SAMMSON: variants seen among roughly 807,000 people sequenced by gnomAD.
The protein encoded by SAMMSON is long intergenic non-protein coding RNA 1212.
At chr3:70,145,312 C>A (rs1324640674) in intron 4 of SAMMSON, among the ~76,000 whole-genome samples, 2 of 152,084 alleles carry the variant, frequency 1.3e-5, no homozygotes, top group African/African-American at 4.8e-5. Flanking sequence ...GACAGCAAAT[C>A]AGTAAGGCTG....
intron 6 of SAMMSON, among the ~76,000 whole-genome samples, chr3:70,283,161 T>C (rs1006454259): frequency 5.3e-5 from 8 of 152,150 alleles, no homozygotes; most frequent in African/African-American, 1.9e-4. Context: ...TAGGTGGTTG[T>C]GAGCATAAGC....
intron 7 of SAMMSON, among the ~76,000 whole-genome samples, chr3:70,332,468 A>T (rs1279521615): frequency 6.6e-6 from 1 of 152,150 alleles, no homozygotes; most frequent in African/African-American, 2.4e-5. Flanking sequence ...TCCAAGTGTC[A>T]TCTCAGAACC....
chr3:70,007,365 C>T (rs1483247793), intron 1 of SAMMSON, among the ~76,000 whole-genome samples: 13 of 152,074 alleles, frequency 8.5e-5, no homozygotes, highest in South Asian at 4.2e-4. Context: ...TGGAATCTCA[C>T]TGTGGTTTTG....
At chr3:70,385,471 C>A (rs901222384) in intron 9 of SAMMSON, among the ~76,000 whole-genome samples, 14 of 151,994 alleles carry the variant, frequency 9.2e-5, no homozygotes, top group Admixed American at 5.9e-4. Flanking sequence ...TGGATTTATT[C>A]CATTTATTCA....
chr3:70,113,773 T>C (rs2067399035), intron 4 of SAMMSON, among the ~76,000 whole-genome samples: 1 of 152,036 alleles, frequency 6.6e-6, no homozygotes. Context: ...CTTTGGGAAA[T>C]AATTAGGTTT....
intron 7 of SAMMSON, among the ~76,000 whole-genome samples, chr3:70,299,184 A>G (rs1267474136): frequency 1.3e-5 from 2 of 152,162 alleles, no homozygotes; most frequent in Non-Finnish European, 2.9e-5. Flanking sequence ...ATAGAATACT[A>G]TATGTAGAGC....
chr3:70,116,533 C>G (rs1047775180), intron 4 of SAMMSON, among the ~76,000 whole-genome samples: 6 of 151,270 alleles, frequency 4.0e-5, no homozygotes, highest in Non-Finnish European at 5.9e-5. Flanking sequence ...TTATTTGGTT[C>G]TAAGTTTCAT....
intron 8 of SAMMSON, chr3:70,354,414 A>G (rs1702814825): frequency 6.6e-6 from 1 of 152,246 alleles, no homozygotes. Context: ...GACTGAAGCA[A>G]TTCACGAAGA....
At chr3:70,098,825 A>G (rs1034462286) in intron 4 of SAMMSON, among the ~76,000 whole-genome samples, 1 of 151,508 alleles carries the variant, frequency 6.6e-6, no homozygotes, top group African/African-American at 2.4e-5. Flanking sequence ...GTAGTAAAAA[A>G]CCCTTCTCTT....
At chr3:70,390,479 G>T (rs1410633415), downstream of SAMMSON, among the ~76,000 whole-genome samples, 1 of 152,114 alleles carries the variant, frequency 6.6e-6, no homozygotes, top group Admixed American at 6.6e-5. Context: ...TGGTTTTGGG[G>T]AGGCCTCAAG....
intron 4 of SAMMSON, among the ~76,000 whole-genome samples, chr3:70,245,977 C>G (rs1422437189): frequency 6.6e-6 from 1 of 150,672 alleles, no homozygotes; most frequent in Non-Finnish European, 1.5e-5. Context: ...TGGTAGGGAA[C>G]TGAAATTGAC....
chr3:70,006,823 G>A (rs1302025931), intron 1 of SAMMSON, among the ~76,000 whole-genome samples: 2 of 125,278 alleles, frequency 1.6e-5, no homozygotes, highest in Admixed American at 2.0e-4. Context: ...ACAGGCCCCG[G>A]TGTGTGATGT....
chr3:70,010,070 A>G (rs1210154125), intron 1 of SAMMSON, among the ~76,000 whole-genome samples: 1 of 152,110 alleles, frequency 6.6e-6, no homozygotes, highest in Non-Finnish European at 1.5e-5. Flanking sequence ...TACGTGGTCA[A>G]TTTTGGAATA....
chr3:70,383,384 T>G (rs893245275), intron 9 of SAMMSON, among the ~76,000 whole-genome samples: 1 of 151,464 alleles, frequency 6.6e-6, no homozygotes, highest in African/African-American at 2.4e-5. Context: ...TCCTTTTAGC[T>G]AACAGGTAAA....
At chr3:70,049,901 G>T (rs987222576) in intron 3 of SAMMSON, among the ~76,000 whole-genome samples, 1 of 152,070 alleles carries the variant, frequency 6.6e-6, no homozygotes, top group African/African-American at 2.4e-5. Flanking sequence ...CTGAAAACGT[G>T]CAATGACATA....
intron 4 of SAMMSON, among the ~76,000 whole-genome samples, chr3:70,177,484 G>A (rs78730953): frequency 0.031 from 4,660 of 152,306 alleles, 156 homozygotes; most frequent in East Asian, 0.18. Flanking sequence ...CTGGGGTGTC[G>A]TGAGAAGCAG....
chr3:70,125,984 G>A (rs73105999), intron 4 of SAMMSON: 2 of 804,854 alleles, frequency 2.5e-6, no homozygotes, highest in East Asian at 2.7e-5. Context: ...AATGGCATAT[G>A]GTCTTCATAG....
chr3:70,044,491 C>T (rs967677514), intron 3 of SAMMSON, among the ~76,000 whole-genome samples: 1 of 152,020 alleles, frequency 6.6e-6, no homozygotes, highest in East Asian at 1.9e-4. Flanking sequence ...TTAAGCCAAC[C>T]AGATATTCAT....
At chr3:70,329,468 G>A (rs528042820) in intron 7 of SAMMSON, among the ~76,000 whole-genome samples, 6 of 152,086 alleles carry the variant, frequency 3.9e-5, no homozygotes, top group African/African-American at 1.4e-4. Flanking sequence ...ACTCAATCAT[G>A]TATATCAAAA....
Sources: gnomAD v4.1 joint callset for allele counts (sites outside exome capture counted in the v4.1 genomes callset) on GRCh38, gnomAD v4.1.1 for gene constraint, MANE v1.5 for transcripts, NCBI Gene and HGNC (gene_info 2026-07-23, HGNC 2026-07-21) for gene names.